SPIN3: variants seen among roughly 807,000 people sequenced by gnomAD.
The protein encoded by SPIN3 is spindlin family member 3, also known as spindlin-3.
For synonymous variants in SPIN3, 74 were observed against 74.3 expected (o/e 1.00, Z 0.02); for missense variants, 176 against 196.4 (o/e 0.90, Z 0.62).
At chrX:56,980,566 A>T (rs371553080) in intron 3 of SPIN3, 55 of 96,173 alleles carry the variant, frequency 5.7e-4, no homozygotes, top group African/African-American at 2.0e-3. Flanking sequence ...CTAAAAATGT[A>T]TCTCTCTTTT....
Position 56,993,626 on chromosome X carries a change from G to A in SPIN3, c.*545C>T, listed in dbSNP as rs1467006477. 2 of 112,349 alleles carry A rather than the reference G, an allele frequency of 1.8e-5. No homozygotes were observed. Among genetic ancestry groups the A allele is most frequent in the African/African-American group, 6.5e-5 (2 of 30,819 alleles). 9.3% of individuals were successfully genotyped at this position (112,349 alleles called of 1,213,427 possible). A position where few individuals can be genotyped will look rare whatever the true frequency, so the allele number is the denominator to read the frequency against. On this transcript the variant is annotated 3_prime_UTR_variant, in exon 2 of 2. Coordinates refer to ENST00000374919, the MANE Select transcript of SPIN3 (RefSeq NM_001010862.3). The stretch of plus-strand genomic sequence containing the variant: ...TAATTCTAAAACAGTTGAGCAATAG[G>A]TGAAAGAACCGGAAAGAGAGCAAAA...
chrX:56,979,180 G>C (rs1049829060), intron 3 of SPIN3: 4 of 110,851 alleles, frequency 3.6e-5, no homozygotes, highest in Non-Finnish European at 7.6e-5. Flanking sequence ...TACAAAACCT[G>C]ATAGTGTAAT....
chrX:56,994,223 T>C lies in SPIN3; in HGVS notation c.725A>G (p.Lys242Arg), dbSNP rs201717987. ...VEAKPSVYFI[K>R]FDDDFHIYVY... is the part of the protein sequence containing the mutation. ...ATAGATATGGAAATCATCATCAAAT[T>C]TGATGAAGTACACAGAGGGTTTTGC... The change falls in exon 2 of 2, where the codon AAA becomes AGA. Residue 242 changes from lysine to arginine, a missense_variant. Coordinates refer to ENST00000374919, the MANE Select transcript of SPIN3 (RefSeq NM_001010862.3). The C allele has an allele frequency of 2.9e-5, 35 of 1,206,661 alleles. No individual in the cohort carries two copies. The highest frequency in any genetic ancestry group is 8.8e-5 in the African/African-American group (5 of 57,082).
intron 3 of SPIN3, among the ~76,000 whole-genome samples, chrX:56,980,877 C>G (rs914436140): frequency 4.5e-5 from 5 of 110,574 alleles, no homozygotes; most frequent in African/African-American, 1.6e-4. Context: ...TTCTGTACAT[C>G]TAAGTAACAA....
At chrX:56,988,861 A>G (rs1924274373), downstream of SPIN3, among the ~76,000 whole-genome samples, 1 of 111,596 alleles carries the variant, frequency 9.0e-6, no homozygotes, top group South Asian at 3.8e-4. Context: ...CAATAATTTA[A>G]AAACCTCCAA....
chrX:56,995,120 C>T, intron 1 of SPIN3, 96 bp downstream of exon 1: 1 of 482,701 alleles, frequency 2.1e-6, no homozygotes, highest in Non-Finnish European at 3.3e-6. Flanking sequence ...TGAGTGCCTG[C>T]AGTAACCTTC....
At chrX:56,986,776 C>T (rs189363615), downstream of SPIN3, among the ~76,000 whole-genome samples, 188 of 112,143 alleles carry the variant, frequency 1.7e-3, 2 homozygotes, top group African/African-American at 5.5e-3. Context: ...GAAATCTGCC[C>T]CATTTCCATT....
chrX:56,985,845 C>T (rs1285020866), downstream of SPIN3, among the ~76,000 whole-genome samples: 1 of 111,707 alleles, frequency 9.0e-6, no homozygotes, highest in Non-Finnish European at 1.9e-5. Context: ...ACACACTTAT[C>T]TCTTAGGCCC....
rs1924364620 is a variant in SPIN3, at chrX:56,992,347, C to T, written c.*1824G>A. The T allele has an allele frequency of 3.4e-6, 1 of 295,264 alleles. No homozygotes were observed. The highest frequency in any genetic ancestry group is 6.2e-5 in the Admixed American group (1 of 16,200). The allele number at this position is 295,264 out of a possible 1,213,427, so 24.3% of individuals were successfully genotyped here. On this transcript the variant is annotated 3_prime_UTR_variant, in exon 2 of 2. Transcript: ENST00000374919. ...CAAAAAAATTAGAAAGCACACTAGT[C>T]CCCAGCCACTAGAACAGTTTTTTTA...
At chrX:56,977,041 A>T (rs1924020892) in exon 6 of SPIN3, 1 of 111,560 alleles carries the variant, frequency 9.0e-6, no homozygotes, top group Non-Finnish European at 1.9e-5. Flanking sequence ...CTAAAAACTG[A>T]AATAAAATCA....
At chrX:56,995,185 C>T (rs1924464386) in intron 1 of SPIN3, 31 bp downstream of exon 1, 1 of 357,963 alleles carries the variant, frequency 2.8e-6, no homozygotes, top group Non-Finnish European at 4.8e-6. Context: ...GAAGCGTTTC[C>T]CCATTCCCCT....
chrX:56,992,494 T>C lies in SPIN3; in HGVS notation c.*1677A>G, dbSNP rs1602742549. On this transcript the variant is annotated 3_prime_UTR_variant, in exon 2 of 2. Coordinates refer to ENST00000374919, the MANE Select transcript of SPIN3 (RefSeq NM_001010862.3). ...AAAGCAAAAGTAGACAGATAAAACA[T>C]AGGAGAAAAGAGAACATCTTCTTTG... 2 of 297,167 alleles carry C rather than the reference T, an allele frequency of 6.7e-6. No homozygotes were observed. Among genetic ancestry groups the C allele is most frequent in the Non-Finnish European group, 1.2e-5 (2 of 170,254 alleles). The allele number at this position is 297,167 out of a possible 1,213,427, so 24.5% of individuals were successfully genotyped here.
At chrX:56,987,899 C>T (rs926756564), downstream of SPIN3, among the ~76,000 whole-genome samples, 1 of 111,992 alleles carries the variant, frequency 8.9e-6, no homozygotes, top group Non-Finnish European at 1.9e-5. Flanking sequence ...AAAGGACATG[C>T]GGTTTACCCT....
At position 56,993,955 on chromosome X, in the gene SPIN3, A is replaced by G; in HGVS notation, c.*216T>C. 7.8e-6 allele frequency: 3 copies of G among 382,281 alleles called. No individual in the cohort carries two copies. The highest frequency in any genetic ancestry group is 1.3e-5 in the Non-Finnish European group (3 of 223,118). 31.5% of individuals were successfully genotyped at this position (382,281 alleles called of 1,213,427 possible). ...GATGTCAGACTTTACCCTTCTCACT[A>G]ATCAGTTAAATTGCGGAGAGGAACC... is the stretch of plus-strand genomic sequence containing the variant. On this transcript the variant is annotated 3_prime_UTR_variant, in exon 2 of 2. Transcript: ENST00000374919.
chrX:56,977,433 G>A (rs939476350), intron 5 of SPIN3: 9 of 111,575 alleles, frequency 8.1e-5, no homozygotes, highest in Admixed American at 3.8e-4. Context: ...ACATGTTCAC[G>A]TTCTATTAAG....
downstream of SPIN3, chrX:56,975,874 T>C (rs1167298392): frequency 4.8e-5 from 3 of 63,008 alleles, no homozygotes; most frequent in Non-Finnish European, 1.4e-4. Flanking sequence ...TGGTCCACTT[T>C]TAACTTTTCC....
intron 3 of SPIN3, among the ~76,000 whole-genome samples, chrX:56,981,030 C>T (rs1924106366): frequency 9.6e-6 from 1 of 104,236 alleles, no homozygotes; most frequent in Non-Finnish European, 2.0e-5. Context: ...AATACTGGGA[C>T]AAACAGAGGG....
At chrX:56,985,966 C>T (rs184050360), downstream of SPIN3, among the ~76,000 whole-genome samples, 43 of 111,528 alleles carry the variant, frequency 3.9e-4, 1 homozygote, top group East Asian at 8.2e-3. Context: ...TGAAGTCCAC[C>T]CCAATCTCCC....
downstream of SPIN3, among the ~76,000 whole-genome samples, chrX:56,986,717 G>A (rs772581083): frequency 8.9e-6 from 1 of 112,675 alleles, no homozygotes; most frequent in Non-Finnish European, 1.9e-5. Context: ...TTACATGTGA[G>A]CTTCAACTTT....
Sources: allele counts gnomAD v4.1 joint callset (sites outside exome capture counted in the v4.1 genomes callset), GRCh38; gene constraint gnomAD v4.1.1; transcripts MANE v1.5; gene names NCBI Gene and HGNC (gene_info 2026-07-23, HGNC 2026-07-21).